Variants in SLC12A3 observed in about 807,000 individuals in gnomAD.
The protein encoded by SLC12A3 is solute carrier family 12 member 3, also known as Na-Cl cotransporter.
A neutral mutation model predicts 121.0 loss-of-function variants in SLC12A3; 104 were observed. The observed-to-expected ratio is 0.86, with a 90% CI of 0.73 to 1.01. The LOEUF (loss-of-function observed/expected upper bound fraction) is 1.01. Ranked by LOEUF, SLC12A3 falls within the 50% of genes least tolerant of loss-of-function variation. SLC12A3 has a pLI of 0.00. For missense variants in SLC12A3, 1,328 were observed against 1,356.3 expected, an observed-to-expected ratio of 0.98 and a Z score of 0.33; for synonymous variants, 536 against 533.4, an observed-to-expected ratio of 1.00 and a Z score of -0.07.
rs5804 is a variant in SLC12A3 at position 56,894,607 on chromosome 16, C to T, written c.2598C>T (p.Gly866=). The T allele has an allele frequency of 0.1, 166,588 of 1,613,402 alleles. 9,953 individuals are homozygous for T. Among genetic ancestry groups the T allele is most frequent in the East Asian group, 0.25 (11,208 of 44,846 alleles). ...WSKCKIRVFV[G]GQINRMDQER... ...AATGCAAGATCCGTGTGTTCGTAGG[C>T]GGCCAGATTAACAGGATGGACCAGG... The change falls in exon 22 of 26, where the codon GGC becomes GGT. Residue 866 remains glycine (G), a synonymous_variant. Transcript: ENST00000563236.
rs1448815690 is a variant in SLC12A3, at chr16:56,878,020, G to A, written c.1096-57G>A. The A allele has an allele frequency of 2.5e-5, 15 of 601,914 alleles. 2 individuals are homozygous for A. The highest frequency in any genetic ancestry group is 2.0e-4 in the East Asian group (4 of 19,532). 37.3% of individuals were successfully genotyped at this position (601,914 alleles called of 1,614,324 possible). A position where few individuals can be genotyped will look rare whatever the true frequency, so the allele number is the denominator to read the frequency against. Reference sequence around the variant, plus strand: ...GCCCAGGGGCTGCCTAATGTCCTCCGTCCCTCCCTCCCTCTCTCCCTCCCT... The same window carrying A: ...GCCCAGGGGCTGCCTAATGTCCTCCATCCCTCCCTCCCTCTCTCCCTCCCT... On this transcript the variant is annotated intron_variant, in intron 8 of 25. Transcript: ENST00000563236.
chr16:56,873,774 C>T (rs1278502657), intron 8 of SLC12A3, among the ~76,000 whole-genome samples: 13 of 128,612 alleles, frequency 1.0e-4, no homozygotes, highest in Admixed American at 8.6e-4. Flanking sequence ...TGCAGTGGCA[C>T]GATCTCAGCT....
chr16:56,894,256 C>T (rs967359192), intron 21 of SLC12A3, among the ~76,000 whole-genome samples: 3 of 152,110 alleles, frequency 2.0e-5, no homozygotes, highest in Non-Finnish European at 2.9e-5. Context: ...CCACCTGCCT[C>T]GGCCTCCCAT....
In SLC12A3 at chr16:56,870,762, C is replaced by A. The variant is rs775073165; in HGVS notation, c.852+26C>A. ...GTGAGGAGGCCATGGAGGAGGGGGA[C>A]ATGGAGGTGGTCACGTGGAGAAGCG... On this transcript the variant is annotated intron_variant, in intron 6 of 25. Coordinates refer to ENST00000563236, the MANE Select transcript of SLC12A3 (RefSeq NM_001126108.2). The A allele has an allele frequency of 6.9e-6, 10 of 1,451,370 alleles. No homozygotes were observed. The East Asian group carries it at 2.3e-4, about 33-fold the overall frequency. 89.9% of individuals were successfully genotyped at this position (1,451,370 alleles called of 1,614,324 possible).
intron 23 of SLC12A3, 174 bp from the exon 24 acceptor site, chr16:56,902,199 C>A: frequency 1.3e-6 from 1 of 774,430 alleles, no homozygotes; most frequent in Non-Finnish European, 2.1e-6. Flanking sequence ...GATGCCAGAC[C>A]CAGCCAGCAG....
chr16:56,913,587 CAT>C lies in SLC12A3; in HGVS notation c.*183_*184del. 1.4e-6 allele frequency: 1 copy of C among 690,504 alleles called. No homozygotes were observed. Among genetic ancestry groups the C allele is most frequent in the Middle Eastern group, 2.8e-4 (1 of 3,606 alleles). The allele number at this position is 690,504 out of a possible 1,614,324, so 42.8% of individuals were successfully genotyped here. A position where few individuals can be genotyped will look rare whatever the true frequency, so the allele number is the denominator to read the frequency against. On this transcript the variant is annotated 3_prime_UTR_variant, in exon 26 of 26. Coordinates refer to ENST00000563236, the MANE Select transcript of SLC12A3 (RefSeq NM_001126108.2). ...GGCTGGACTCCACTTCCATGGGACA[CAT>C]TCCCTGGGTCTTGTGTTTATAGGCT...
chr16:56,907,742 T>C (rs2144780252), intron 25 of SLC12A3, among the ~76,000 whole-genome samples: 1 of 152,228 alleles, frequency 6.6e-6, no homozygotes, highest in Admixed American at 6.5e-5. Flanking sequence ...GCACTAATCC[T>C]ATTCATAGGT....
intron 22 of SLC12A3, among the ~76,000 whole-genome samples, chr16:56,895,312 C>G (rs1386398227): frequency 1.3e-5 from 2 of 150,066 alleles, no homozygotes; most frequent in Non-Finnish European, 3.0e-5. Context: ...CTGCCTCAGC[C>G]TCCCTAGTAA....
intron 12 of SLC12A3, among the ~76,000 whole-genome samples, chr16:56,880,528 G>T (rs1024504678): frequency 2.0e-5 from 3 of 152,134 alleles, no homozygotes; most frequent in African/African-American, 4.8e-5. Context: ...GAACTTACCT[G>T]TTCCCCCGGT....
At chr16:56,905,399 C>T (rs971855313) in intron 25 of SLC12A3, among the ~76,000 whole-genome samples, 17 of 150,976 alleles carry the variant, frequency 1.1e-4, no homozygotes, top group Non-Finnish European at 2.5e-4. Flanking sequence ...GCCAAGCCCT[C>T]AGCTCAGGGG....
In SLC12A3 at chr16:56,892,175, T is replaced by C; in HGVS notation, c.2419+42T>C. 3.1e-6 allele frequency: 5 copies of C among 1,603,532 alleles called. No homozygotes were observed. The highest frequency in any genetic ancestry group is 4.3e-6 in the Non-Finnish European group (5 of 1,170,830). On this transcript the variant is annotated intron_variant, in intron 20 of 25. Coordinates refer to ENST00000563236, the MANE Select transcript of SLC12A3 (RefSeq NM_001126108.2). ...CTCTGGCGCTTGTCAGTGTTCCCAC[T>C]CAGAGCTCAGGGCACTCTAGCCCTG...
intron 23 of SLC12A3, among the ~76,000 whole-genome samples, chr16:56,900,064 C>G (rs562304164): frequency 1.3e-5 from 2 of 152,250 alleles, no homozygotes; most frequent in East Asian, 3.9e-4. Flanking sequence ...TGTATTTTGT[C>G]AATCAGTGTG....
In SLC12A3 at chr16:56,890,043, G is replaced by A. The variant is rs181708256; in HGVS notation, c.2286-231G>A. ...AGGACAGGGCTGACTTGGTTCCCCT[G>A]AGTACCGGATCTGCAGGATCCACAG... On this transcript the variant is annotated intron_variant, in intron 18 of 25. Coordinates refer to ENST00000563236, the MANE Select transcript of SLC12A3 (RefSeq NM_001126108.2). 9.8e-4 allele frequency among the ~76,000 whole-genome samples: 150 copies of A among 152,348 alleles called. 1 individual carries two copies. Among genetic ancestry groups the A allele is most frequent in the South Asian group, 5.2e-3 (25 of 4,828 alleles).
In SLC12A3 at chr16:56,879,457, G is replaced by T. The variant is rs992636347; in HGVS notation, c.1336-85G>T. The T allele has an allele frequency of 3.3e-6, 4 of 1,223,072 alleles. No individual in the cohort carries two copies. In the African/African-American group the frequency reaches 4.4e-5, roughly 14 times the overall value. The allele number at this position is 1,223,072 out of a possible 1,614,324, so 75.8% of individuals were successfully genotyped here. A position where few individuals can be genotyped will look rare whatever the true frequency, so the allele number is the denominator to read the frequency against. ...GGTGGAGGCTCAGGACCCAGCCCCTGCCCGCAGTAGGGAATGAAGTGCCAC... is the reference window on the plus strand; with the variant it reads ...GGTGGAGGCTCAGGACCCAGCCCCTTCCCGCAGTAGGGAATGAAGTGCCAC... On this transcript the variant is annotated intron_variant, in intron 10 of 25. Transcript: ENST00000563236.
intron 25 of SLC12A3, among the ~76,000 whole-genome samples, chr16:56,912,656 G>T (rs1355954836): frequency 6.6e-6 from 1 of 152,228 alleles, no homozygotes; most frequent in Non-Finnish European, 1.5e-5. Context: ...CTGGGAAAAG[G>T]GGGGTGAATA....
intron 19 of SLC12A3, among the ~76,000 whole-genome samples, 191 bp downstream of exon 19, chr16:56,890,547 G>A (rs1275648744): frequency 6.6e-6 from 1 of 152,176 alleles, no homozygotes; most frequent in Non-Finnish European, 1.5e-5. Flanking sequence ...TTCCCAGGTG[G>A]GGCAGAGCCA....
intron 19 of SLC12A3, among the ~76,000 whole-genome samples, chr16:56,891,169 T>C (rs1175652708): frequency 6.6e-6 from 1 of 150,706 alleles, no homozygotes; most frequent in Non-Finnish European, 1.5e-5. Context: ...AGTCTAGGAG[T>C]TCAACACCAG....
chr16:56,879,127 G>C lies in SLC12A3; in HGVS notation c.1235G>C (p.Gly412Ala), dbSNP rs2055202835. The part of the protein sequence containing the change: ...SGVLNDTVTP[G>A]WGACEGLACS... ...GTCCTGAATGACACAGTGACCCCTGGCTGGGGTGCCTGCGAGGGGCTGGCC... is the reference window on the plus strand; with the variant it reads ...GTCCTGAATGACACAGTGACCCCTGCCTGGGGTGCCTGCGAGGGGCTGGCC... Residue 412 changes from glycine (G) to alanine (A), a missense_variant, in exon 10 of 26, where the codon GGC becomes GCC. Physicochemically the swap from Gly to Ala is moderately conservative, Grantham distance 60. Transcript: ENST00000563236. The C allele has an allele frequency of 6.2e-7, 1 of 1,613,830 alleles. No individual in the cohort carries two copies. Among genetic ancestry groups the C allele is most frequent in the East Asian group, 2.2e-5 (1 of 44,874 alleles).
chr16:56,904,358 G>A (rs1415082303), intron 24 of SLC12A3, 37 bp from the exon 25 acceptor site: 2 of 1,598,702 alleles, frequency 1.3e-6, no homozygotes, highest in Admixed American at 3.3e-5. Flanking sequence ...TGACCTCGAT[G>A]ATATGGGAAG....
Sources: allele counts gnomAD v4.1 joint callset (sites outside exome capture counted in the v4.1 genomes callset), GRCh38; gene constraint gnomAD v4.1.1; transcripts MANE v1.5; gene names NCBI Gene and HGNC (gene_info 2026-07-23, HGNC 2026-07-21).